Variants in CEP63 observed in about 807,000 individuals in gnomAD.
The protein encoded by CEP63 is centrosomal protein 63, also known as centrosomal protein of 63 kDa.
In CEP63, 84 loss-of-function variants were observed where a neutral mutation model predicts 89.1. The observed-to-expected ratio is 0.94, with a 90% CI of 0.79 to 1.13. CEP63 has a LOEUF of 1.13. Ranked by LOEUF, CEP63 falls within the 50% of genes most tolerant of loss-of-function variation. The probability of loss-of-function intolerance (pLI) is 0.00; values close to 1 mark genes in which losing one functional copy is unlikely to be tolerated. For missense variants in CEP63, 838 were observed against 813.3 expected (o/e 1.03, Z -0.37); for synonymous variants, 267 against 272.5 (o/e 0.98, Z 0.20).
chr3:134,612,039 A>G, the CEP63 span, among the ~76,000 whole-genome samples: 1 of 152,218 alleles, frequency 6.6e-6, no homozygotes, highest in African/African-American at 2.4e-5. Flanking sequence ...CATGCATGCA[A>G]TGATGAGGTG....
chr3:134,690,667 A>G, the CEP63 span, among the ~76,000 whole-genome samples: 1 of 152,032 alleles, frequency 6.6e-6, no homozygotes. Context: ...CTTAAAAATT[A>G]GTGAGAATGC....
downstream of CEP63, among the ~76,000 whole-genome samples, chr3:134,568,567 T>C (rs1377315970): frequency 6.6e-6 from 1 of 152,160 alleles, no homozygotes; most frequent in East Asian, 1.9e-4. Flanking sequence ...CCTGTTCATA[T>C]TAATAAATTC....
the CEP63 span, among the ~76,000 whole-genome samples, chr3:134,677,589 C>A: frequency 6.6e-6 from 1 of 152,126 alleles, no homozygotes; most frequent in African/African-American, 2.4e-5. Context: ...TCTGCTCATT[C>A]CTGGACATTT....
the CEP63 span, among the ~76,000 whole-genome samples, chr3:134,734,706 C>T: frequency 6.6e-6 from 1 of 152,116 alleles, no homozygotes; most frequent in Admixed American, 6.5e-5. Flanking sequence ...TGAAGTTCAG[C>T]TAATTTTAGT....
chr3:134,531,958 T>C lies in CEP63; in HGVS notation c.318+18T>C. 6.4e-7 allele frequency: 1 copy of C among 1,550,688 alleles called. No homozygotes were observed. The highest frequency in any genetic ancestry group is 8.9e-7 in the Non-Finnish European group (1 of 1,122,704). ...ATGAAGAAGTGAGATTTTAGTTTTG[T>C]TAAATGTTGTGTGTGTAGTTCTCTC... On this transcript the variant is annotated intron_variant, in intron 4 of 14. Transcript: ENST00000675561.
chr3:134,490,309 C>T (rs1255147682), intron 1 of CEP63, among the ~76,000 whole-genome samples: 1 of 151,964 alleles, frequency 6.6e-6, no homozygotes, highest in Non-Finnish European at 1.5e-5. Flanking sequence ...TTTGCTGAGT[C>T]TTGGTGCCTA....
chr3:134,772,596 GA>G, the CEP63 span, among the ~76,000 whole-genome samples: 1 of 151,664 alleles, frequency 6.6e-6, no homozygotes, highest in East Asian at 1.9e-4. Context: ...CTAGGACTCA[GA>G]CCCCTGTGGC....
At chr3:134,569,696 G>A (rs541363135), downstream of CEP63, among the ~76,000 whole-genome samples, 1 of 152,262 alleles carries the variant, frequency 6.6e-6, no homozygotes, top group African/African-American at 2.4e-5. Context: ...TACCGTTCTG[G>A]GGTCTGGAGG....
chr3:134,731,793 G>A, the CEP63 span, among the ~76,000 whole-genome samples: 91 of 152,256 alleles, frequency 6.0e-4, no homozygotes, highest in African/African-American at 2.2e-3. Context: ...GTAAAGAAGA[G>A]AAGACAAGAG....
chr3:134,528,594 G>GTGTA (rs59362235), intron 3 of CEP63, among the ~76,000 whole-genome samples: 1 of 145,704 alleles, frequency 6.9e-6, no homozygotes, highest in Non-Finnish European at 1.5e-5. Flanking sequence ...GTGTGTGTGT[G>GTGTA]GTGTTTTGAG....
the CEP63 span, among the ~76,000 whole-genome samples, chr3:134,714,385 G>A: frequency 2.6e-5 from 4 of 152,172 alleles, no homozygotes; most frequent in African/African-American, 9.7e-5. Flanking sequence ...GAGCCCTCAT[G>A]CACCCATCAC....
chr3:134,622,233 G>C, the CEP63 span, among the ~76,000 whole-genome samples: 1 of 152,144 alleles, frequency 6.6e-6, no homozygotes, highest in African/African-American at 2.4e-5. Flanking sequence ...AAAAACCGAA[G>C]GCAGAGACTC....
chr3:134,697,347 T>C, the CEP63 span, among the ~76,000 whole-genome samples: 311 of 152,238 alleles, frequency 2.0e-3, no homozygotes, highest in African/African-American at 7.0e-3. Flanking sequence ...GGGATAAAAC[T>C]TGACAGGGTG....
chr3:134,756,013 C>T, the CEP63 span, among the ~76,000 whole-genome samples: 1 of 152,350 alleles, frequency 6.6e-6, no homozygotes, highest in East Asian at 1.9e-4. Context: ...TGCCAGGAAG[C>T]TGGAGCCAGA....
At chr3:134,768,376 G>A in the CEP63 span, among the ~76,000 whole-genome samples, 1 of 152,170 alleles carries the variant, frequency 6.6e-6, no homozygotes, top group African/African-American at 2.4e-5. Context: ...TGCAGACTTT[G>A]CCTACAGATT....
chr3:134,485,991 G>GCCCCCCCCCC (rs5852785), upstream of CEP63: 307 of 940,082 alleles, frequency 3.3e-4, 3 homozygotes, highest in African/African-American at 2.9e-3. Context: ...CTCCTGCCAC[G>GCCCCCCCCCC]CCCCCCCCCC....
At chr3:134,740,357 G>A in the CEP63 span, among the ~76,000 whole-genome samples, 2 of 151,572 alleles carry the variant, frequency 1.3e-5, no homozygotes, top group South Asian at 4.2e-4. Context: ...GAGTGCAGTG[G>A]TGCAATCTCA....
At chr3:134,616,102 G>A in the CEP63 span, among the ~76,000 whole-genome samples, 3 of 152,234 alleles carry the variant, frequency 2.0e-5, no homozygotes, top group South Asian at 2.1e-4. Flanking sequence ...TGGCTCCTGC[G>A]AGGAAATTAG....
At chr3:134,743,135 C>T in the CEP63 span, among the ~76,000 whole-genome samples, 45 of 152,328 alleles carry the variant, frequency 3.0e-4, no homozygotes, top group African/African-American at 1.0e-3. Context: ...AGATTTCATC[C>T]ACCCTGGGCA....
Sources: gnomAD v4.1 joint callset for allele counts (sites outside exome capture counted in the v4.1 genomes callset) on GRCh38, gnomAD v4.1.1 for gene constraint, MANE v1.5 for transcripts, NCBI Gene and HGNC (gene_info 2026-07-23, HGNC 2026-07-21) for gene names.